Variants in CSMD1 observed in about 807,000 individuals in gnomAD.
CSMD1 encodes CUB and sushi domain-containing protein 1.
A neutral mutation model predicts 417.5 loss-of-function variants in CSMD1; 213 were observed. The ratio of observed to expected loss-of-function variants is 0.51; its 90% CI spans 0.46 to 0.57. CSMD1 has a LOEUF of 0.57. Ranked by LOEUF, CSMD1 falls within the 20% of genes least tolerant of loss-of-function variation. The pLI is 0.00. For synonymous variants in CSMD1, 2,862 were observed against 1,736.8 expected, an observed-to-expected ratio of 1.65 and a Z score of -16.11; for missense variants, 6,923 against 4,529.7, an observed-to-expected ratio of 1.53 and a Z score of -15.17.
At chr8:3,807,022 T>G (rs940887487) in intron 5 of CSMD1, among the ~76,000 whole-genome samples, 3 of 152,146 alleles carry the variant, frequency 2.0e-5, no homozygotes, top group African/African-American at 7.2e-5. Context: ...CTAGAAATAT[T>G]GTAACCCAGG....
At chr8:3,931,213 T>C (rs1042256526) in intron 5 of CSMD1, among the ~76,000 whole-genome samples, 1 of 150,738 alleles carries the variant, frequency 6.6e-6, no homozygotes, top group African/African-American at 2.4e-5. Flanking sequence ...ACTAAATAAA[T>C]GAGGTTCGGA....
intron 5 of CSMD1, among the ~76,000 whole-genome samples, chr8:3,937,978 T>C (rs1460415661): frequency 6.6e-6 from 1 of 152,174 alleles, no homozygotes; most frequent in Non-Finnish European, 1.5e-5. Context: ...TTAAGTTATA[T>C]CACATGAATT....
At chr8:4,213,555 A>C (rs1800451564) in intron 3 of CSMD1, among the ~76,000 whole-genome samples, 1 of 152,228 alleles carries the variant, frequency 6.6e-6, no homozygotes. Flanking sequence ...GTCTAGAAAT[A>C]AAACACTTTT....
chr8:4,096,751 GT>G (rs1316011181), intron 3 of CSMD1, among the ~76,000 whole-genome samples: 1 of 152,278 alleles, frequency 6.6e-6, no homozygotes, highest in Non-Finnish European at 1.5e-5. Context: ...TATTGTATGA[GT>G]TTTTTCCCTG....
At chr8:4,855,813 G>A (rs1364418405) in intron 1 of CSMD1, among the ~76,000 whole-genome samples, 8 of 151,642 alleles carry the variant, frequency 5.3e-5, no homozygotes, top group Non-Finnish European at 2.9e-5. Context: ...GTGATGGGGA[G>A]AATGGAACCA....
intron 6 of CSMD1, among the ~76,000 whole-genome samples, chr8:3,731,389 T>C (rs1468458585): frequency 6.6e-6 from 1 of 152,200 alleles, no homozygotes; most frequent in African/African-American, 2.4e-5. Context: ...GGGAGAAATG[T>C]TGCTTGTCTT....
At chr8:3,778,352 G>C (rs1028795153) in intron 5 of CSMD1, among the ~76,000 whole-genome samples, 1 of 152,178 alleles carries the variant, frequency 6.6e-6, no homozygotes, top group African/African-American at 2.4e-5. Flanking sequence ...GTAATCACCA[G>C]CTGTCTGGAA....
chr8:3,038,484 T>A (rs1407964733), intron 50 of CSMD1, among the ~76,000 whole-genome samples: 1 of 152,194 alleles, frequency 6.6e-6, no homozygotes, highest in South Asian at 2.1e-4. Context: ...TACTGGTGGC[T>A]CTCTTTGAAA....
chr8:3,824,890 A>G (rs1321402217), intron 5 of CSMD1, among the ~76,000 whole-genome samples: 1 of 152,180 alleles, frequency 6.6e-6, no homozygotes, highest in Non-Finnish European at 1.5e-5. Flanking sequence ...ATAAAATGAG[A>G]ATTGTAAAGA....
intron 5 of CSMD1, among the ~76,000 whole-genome samples, chr8:3,881,608 C>CAAAAAAA (rs370466578): frequency 9.8e-5 from 10 of 102,474 alleles, no homozygotes; most frequent in African/African-American, 2.3e-4. Context: ...GACTCCATCT[C>CAAAAAAA]AAAAAAAAAA....
At chr8:3,601,431 G>A (rs1364809987) in intron 8 of CSMD1, among the ~76,000 whole-genome samples, 1 of 152,184 alleles carries the variant, frequency 6.6e-6, no homozygotes, top group Non-Finnish European at 1.5e-5. Context: ...GTTTAGAAAA[G>A]CAAGCCCATC....
chr8:4,317,274 G>C (rs965093584), intron 3 of CSMD1, among the ~76,000 whole-genome samples: 4 of 152,156 alleles, frequency 2.6e-5, no homozygotes, highest in African/African-American at 9.7e-5. Flanking sequence ...GATTTTAAAA[G>C]AAAGCTGAAA....
intron 5 of CSMD1, among the ~76,000 whole-genome samples, chr8:3,893,490 A>C (rs1283003693): frequency 1.3e-5 from 2 of 151,714 alleles, no homozygotes; most frequent in Non-Finnish European, 2.9e-5. Flanking sequence ...GCAAAACCAG[A>C]ACATTTATTA....
At chr8:3,927,155 C>G (rs1222367392) in intron 5 of CSMD1, among the ~76,000 whole-genome samples, 1 of 151,756 alleles carries the variant, frequency 6.6e-6, no homozygotes, top group East Asian at 1.9e-4. Context: ...ATAGGGTTGT[C>G]ATAAAGTTTT....
chr8:4,261,684 A>G (rs2128841779), intron 3 of CSMD1, among the ~76,000 whole-genome samples: 1 of 152,264 alleles, frequency 6.6e-6, no homozygotes, highest in South Asian at 2.1e-4. Context: ...TGCTGGGACT[A>G]CAGGCATGAG....
At chr8:3,750,516 C>T (rs2720852) in intron 6 of CSMD1, among the ~76,000 whole-genome samples, 134,536 of 151,994 alleles carry the variant, frequency 0.89, 59,615 homozygotes, top group South Asian at 0.93. Context: ...TTTTTTGTTT[C>T]GCAATTTTTG....
chr8:3,076,278 T>C (rs1364200284), intron 49 of CSMD1, among the ~76,000 whole-genome samples: 6 of 76,532 alleles, frequency 7.8e-5, no homozygotes, highest in African/African-American at 4.5e-4. Context: ...CCCTGCATGG[T>C]CGCCCCTCTG....
chr8:3,784,057 G>C (rs1312359561), intron 5 of CSMD1, among the ~76,000 whole-genome samples: 1 of 152,224 alleles, frequency 6.6e-6, no homozygotes, highest in African/African-American at 2.4e-5. Flanking sequence ...TGTGAAGATT[G>C]AAATAGTAAA....
chr8:3,029,230 G>A, intron 51 of CSMD1, 89 bp downstream of exon 51: 1 of 1,013,704 alleles, frequency 9.9e-7, no homozygotes, highest in Non-Finnish European at 1.4e-6. Context: ...GTAGATGATA[G>A]CTCCACTAGA....
Sources: gnomAD v4.1 joint callset for allele counts (sites outside exome capture counted in the v4.1 genomes callset) on GRCh38, gnomAD v4.1.1 for gene constraint, MANE v1.5 for transcripts, NCBI Gene and HGNC (gene_info 2026-07-23, HGNC 2026-07-21) for gene names.